Variants in DSCAM observed in about 807,000 individuals in gnomAD.
DSCAM encodes cell adhesion molecule DSCAM.
Under a neutral mutation model 217.7 loss-of-function variants are expected in DSCAM, and 47 were observed. That is an observed-to-expected ratio of 0.22 (90% confidence interval 0.17 to 0.28). The LOEUF (loss-of-function observed/expected upper bound fraction) is 0.28, where lower values mean the gene tolerates loss of function less well. DSCAM is among the 10% of genes least tolerant of loss of function. The pLI, the probability that DSCAM is intolerant of heterozygous loss-of-function variation, is 1.00. For synonymous variants in DSCAM, 1,056 were observed against 1,015.3 expected (o/e 1.04, Z -0.76); for missense variants, 2,080 against 2,618.3 (o/e 0.79, Z 4.49).
intron 10 of DSCAM, among the ~76,000 whole-genome samples, chr21:40,283,951 C>T (rs1039172951): frequency 9.9e-5 from 15 of 152,086 alleles, no homozygotes; most frequent in Middle Eastern, 3.2e-3. Flanking sequence ...AATGGTCAGG[C>T]GGTAAGCTGT....
At chr21:40,302,344 G>C (rs1186258640) in intron 9 of DSCAM, among the ~76,000 whole-genome samples, 1 of 152,066 alleles carries the variant, frequency 6.6e-6, no homozygotes, top group Admixed American at 6.5e-5. Flanking sequence ...CATGAGATCT[G>C]ATGATTTTAT....
intron 3 of DSCAM, among the ~76,000 whole-genome samples, chr21:40,579,674 G>C (rs573725060): frequency 1.3e-5 from 2 of 152,186 alleles, no homozygotes; most frequent in Non-Finnish European, 2.9e-5. Flanking sequence ...ACAAAGTTAA[G>C]ATCGTCGCTA....
intron 3 of DSCAM, among the ~76,000 whole-genome samples, chr21:40,681,489 C>CTT (rs57356615): frequency 0.29 from 41,705 of 145,332 alleles, 6,264 homozygotes; most frequent in Middle Eastern, 0.34. Context: ...CTTAAAAATG[C>CTT]TTTTTTTTTT....
At chr21:40,698,177 T>G (rs549316594) in intron 2 of DSCAM, among the ~76,000 whole-genome samples, 58 of 152,214 alleles carry the variant, frequency 3.8e-4, no homozygotes, top group Non-Finnish European at 7.2e-4. Context: ...ATCACACGGT[T>G]GGTCTACATT....
intron 11 of DSCAM, among the ~76,000 whole-genome samples, chr21:40,256,584 G>C (rs994017992): frequency 2.0e-5 from 3 of 151,418 alleles, no homozygotes; most frequent in Non-Finnish European, 4.4e-5. Context: ...GTGCAGCTTG[G>C]GTCCGAAGGA....
chr21:40,356,408 T>TATGC (rs2074693771), intron 4 of DSCAM, among the ~76,000 whole-genome samples: 1 of 151,148 alleles, frequency 6.6e-6, no homozygotes, highest in Non-Finnish European at 1.5e-5. Context: ...TATATATATA[T>TATGC]GCACATTGTA....
chr21:40,811,070 T>C (rs533996844), intron 1 of DSCAM, among the ~76,000 whole-genome samples: 1 of 152,320 alleles, frequency 6.6e-6, no homozygotes, highest in East Asian at 1.9e-4. Flanking sequence ...ATGGAGGCCC[T>C]GGCACAGACT....
intron 3 of DSCAM, among the ~76,000 whole-genome samples, chr21:40,502,706 A>G (rs1304576983): frequency 6.6e-6 from 1 of 152,098 alleles, no homozygotes; most frequent in Non-Finnish European, 1.5e-5. Flanking sequence ...ACTCACCCAG[A>G]TAATCCACAA....
At chr21:40,744,444 G>T (rs2091154860) in intron 1 of DSCAM, among the ~76,000 whole-genome samples, 1 of 152,088 alleles carries the variant, frequency 6.6e-6, no homozygotes, top group Non-Finnish European at 1.5e-5. Context: ...CCCCTGACCT[G>T]GAAACAACTG....
chr21:40,596,686 A>C (rs1316413240), intron 3 of DSCAM, among the ~76,000 whole-genome samples: 1 of 152,182 alleles, frequency 6.6e-6, no homozygotes, highest in South Asian at 2.1e-4. Context: ...ACCCCTGACC[A>C]TACTGGGTGA....
At chr21:40,825,073 T>A (rs944936188) in intron 1 of DSCAM, among the ~76,000 whole-genome samples, 8 of 152,170 alleles carry the variant, frequency 5.3e-5, no homozygotes, top group African/African-American at 1.9e-4. Context: ...AAAGAGGAAG[T>A]TGTTTTGTTT....
At chr21:40,575,282 A>C (rs1054181426) in intron 3 of DSCAM, among the ~76,000 whole-genome samples, 2 of 151,394 alleles carry the variant, frequency 1.3e-5, no homozygotes, top group Non-Finnish European at 2.9e-5. Context: ...AAATCTTATA[A>C]AACAGTCCCA....
chr21:40,718,043 C>T (rs1601167262), intron 1 of DSCAM, among the ~76,000 whole-genome samples: 1 of 152,024 alleles, frequency 6.6e-6, no homozygotes, highest in Non-Finnish European at 1.5e-5. Context: ...CTACCAGCAT[C>T]GGTGGGCAGG....
intron 16 of DSCAM, among the ~76,000 whole-genome samples, chr21:40,146,628 T>G (rs987764084): frequency 6.6e-6 from 1 of 152,220 alleles, no homozygotes; most frequent in Non-Finnish European, 1.5e-5. Flanking sequence ...TGGACTCCAC[T>G]TGCTTTTCCC....
At chr21:40,393,131 T>C (rs1268510686) in intron 3 of DSCAM, among the ~76,000 whole-genome samples, 2 of 152,194 alleles carry the variant, frequency 1.3e-5, no homozygotes, top group African/African-American at 4.8e-5. Flanking sequence ...ATGAAAGATT[T>C]AGAATGCCCT....
At chr21:40,640,119 A>C (rs1482741671) in intron 3 of DSCAM, among the ~76,000 whole-genome samples, 1 of 122,102 alleles carries the variant, frequency 8.2e-6, no homozygotes, top group African/African-American at 2.8e-5. Flanking sequence ...TCTGGAGAAA[A>C]CCCACCTCAA....
chr21:40,511,034 C>T (rs1464744018), intron 3 of DSCAM, among the ~76,000 whole-genome samples: 4 of 152,130 alleles, frequency 2.6e-5, no homozygotes, highest in African/African-American at 9.7e-5. Flanking sequence ...AATTCCTGAC[C>T]TTTAAAAAAT....
At chr21:40,341,330 A>G (rs758392713) in intron 6 of DSCAM, among the ~76,000 whole-genome samples, 3 of 152,204 alleles carry the variant, frequency 2.0e-5, no homozygotes, top group Non-Finnish European at 4.4e-5. Flanking sequence ...CGTGTCCTTT[A>G]TAATTCCATG....
intron 3 of DSCAM, among the ~76,000 whole-genome samples, chr21:40,456,347 G>A (rs945012997): frequency 6.6e-6 from 1 of 151,870 alleles, no homozygotes; most frequent in Non-Finnish European, 1.5e-5. Context: ...ACCAATCTCA[G>A]ATTTTCTCAC....
Sources: allele counts gnomAD v4.1 joint callset (sites outside exome capture counted in the v4.1 genomes callset), GRCh38; gene constraint gnomAD v4.1.1; transcripts MANE v1.5; gene names NCBI Gene and HGNC (gene_info 2026-07-23, HGNC 2026-07-21).